The following LRP1B variants were observed in gnomAD, a reference collection of about 807,000 sequenced individuals.
LRP1B encodes LDL receptor related protein 1B.
LRP1B carries 217 observed loss-of-function variants against 556.6 expected under a neutral mutation model. That is an observed-to-expected ratio of 0.39 (90% CI 0.35 to 0.44). LRP1B has a LOEUF of 0.44. LRP1B is among the 20% of genes least tolerant of loss of function. LRP1B has a pLI of 1.00. For missense variants in LRP1B, 5,053 were observed against 5,620.8 expected (o/e 0.90, Z 3.23); for synonymous variants, 2,047 against 1,865.8 (o/e 1.10, Z -2.50).
intron 7 of LRP1B, among the ~76,000 whole-genome samples, chr2:141,113,265 C>T (rs191240048): frequency 2.0e-5 from 3 of 152,228 alleles, no homozygotes; most frequent in Admixed American, 2.0e-4. Flanking sequence ...TTACTGCTTT[C>T]AGAGCAACTA....
chr2:140,316,138 A>G (rs1384167317), intron 82 of LRP1B, among the ~76,000 whole-genome samples: 4 of 152,198 alleles, frequency 2.6e-5, no homozygotes, highest in African/African-American at 9.6e-5. Context: ...CTTCTCCGTT[A>G]GAAATGCTGC....
intron 2 of LRP1B, among the ~76,000 whole-genome samples, chr2:141,484,870 C>T (rs894244398): frequency 4.6e-5 from 7 of 152,022 alleles, no homozygotes; most frequent in South Asian, 2.1e-4. Flanking sequence ...TGGGCTGAGA[C>T]GATGGGGTTT....
intron 3 of LRP1B, among the ~76,000 whole-genome samples, chr2:141,353,685 AGTTTTT>A (rs1001074647): frequency 1.3e-5 from 2 of 151,912 alleles, no homozygotes; most frequent in African/African-American, 4.8e-5. Flanking sequence ...TGGACATACA[AGTTTTT>A]GTTTAAGTCC....
intron 1 of LRP1B, among the ~76,000 whole-genome samples, chr2:142,077,418 G>A (rs1222726995): frequency 1.3e-5 from 2 of 152,092 alleles, no homozygotes; most frequent in Non-Finnish European, 2.9e-5. Context: ...GAGGCAGGAT[G>A]TGTGTTCTGC....
Position 142,130,971 on chromosome 2 carries a change from G to C in LRP1B, c.-242C>G, listed in dbSNP as rs570466963. 5 of 570,978 alleles carry C rather than the reference G, an allele frequency of 8.8e-6. No individual in the cohort carries two copies. In the East Asian group the frequency reaches 1.5e-4, roughly 17 times the overall value. The allele number at this position is 570,978 out of a possible 1,614,324, so 35.4% of individuals were successfully genotyped here. A position where few individuals can be genotyped will look rare whatever the true frequency, so the allele number is the denominator to read the frequency against. ...GAGGAGGCAGAGCGTGTGTGAGCGC[G>C]AGCGAGACGCCCGTGTGTCTTGACT... On this transcript the variant is annotated 5_prime_UTR_variant, in exon 1 of 91. Coordinates refer to ENST00000389484, the MANE Select transcript of LRP1B (RefSeq NM_018557.3).
chr2:140,541,711 A>T, intron 44 of LRP1B, 68 bp downstream of exon 44: 1 of 1,196,526 alleles, frequency 8.4e-7, no homozygotes, highest in African/African-American at 1.5e-5. Flanking sequence ...ACTAGAAAAC[A>T]TATATACATT....
intron 80 of LRP1B, among the ~76,000 whole-genome samples, chr2:140,324,738 A>G (rs1680368570): frequency 6.6e-6 from 1 of 151,838 alleles, no homozygotes; most frequent in Non-Finnish European, 1.5e-5. Context: ...TATTTTACTA[A>G]TTATCTAGAG....
At chr2:141,202,869 T>G (rs112733206) in intron 6 of LRP1B, among the ~76,000 whole-genome samples, 1 of 151,860 alleles carries the variant, frequency 6.6e-6, no homozygotes, top group Non-Finnish European at 1.5e-5. Context: ...CCTAACGTTA[T>G]TGCTCCCCTA....
At chr2:140,307,995 G>C (rs1418377705) in intron 83 of LRP1B, among the ~76,000 whole-genome samples, 2 of 151,686 alleles carry the variant, frequency 1.3e-5, no homozygotes, top group African/African-American at 4.8e-5. Flanking sequence ...TTCCAAAATA[G>C]TATACTATGC....
At chr2:140,459,980 A>C (rs75071028) in intron 60 of LRP1B, among the ~76,000 whole-genome samples, 1 of 152,174 alleles carries the variant, frequency 6.6e-6, no homozygotes, top group Non-Finnish European at 1.5e-5. Flanking sequence ...TGTACAGCCT[A>C]TGGAACTGTG....
At chr2:140,842,543 CTTGT>C in intron 29 of LRP1B, among the ~76,000 whole-genome samples, 1 of 152,130 alleles carries the variant, frequency 6.6e-6, no homozygotes, top group East Asian at 1.9e-4. Context: ...CAAATGTAAA[CTTGT>C]TTCTCAATCT....
At chr2:140,583,108 G>GAAATATT (rs34684831) in intron 43 of LRP1B, among the ~76,000 whole-genome samples, 1 of 150,542 alleles carries the variant, frequency 6.6e-6, no homozygotes, top group Admixed American at 6.6e-5. Flanking sequence ...CATCTTCATG[G>GAAATATT]AAATATTAGC....
intron 1 of LRP1B, among the ~76,000 whole-genome samples, chr2:141,922,005 AATGTC>A (rs1169974726): frequency 2.0e-5 from 3 of 152,166 alleles, no homozygotes; most frequent in Non-Finnish European, 4.4e-5. Context: ...CATCCAAAAT[AATGTC>A]ATAAGAATAC....
intron 47 of LRP1B, among the ~76,000 whole-genome samples, chr2:140,531,690 T>C (rs760225467): frequency 7.9e-5 from 12 of 152,122 alleles, no homozygotes; most frequent in Non-Finnish European, 1.6e-4. Flanking sequence ...TTTACTCCCT[T>C]ACCACCCATT....
intron 20 of LRP1B, among the ~76,000 whole-genome samples, chr2:140,942,425 C>G (rs1695428189): frequency 1.3e-5 from 2 of 152,056 alleles, no homozygotes; most frequent in African/African-American, 4.8e-5. Flanking sequence ...CATACAGATA[C>G]AAGAAATTCA....
intron 1 of LRP1B, among the ~76,000 whole-genome samples, chr2:142,038,481 T>G (rs1210317971): frequency 6.6e-6 from 1 of 151,588 alleles, no homozygotes; most frequent in African/African-American, 2.4e-5. Context: ...AAAACAGTAA[T>G]AGCAATAGTG....
intron 72 of LRP1B, among the ~76,000 whole-genome samples, chr2:140,363,570 C>G (rs572637463): frequency 6.6e-6 from 1 of 151,628 alleles, no homozygotes; most frequent in Non-Finnish European, 1.5e-5. Context: ...AATCTAATCC[C>G]TGGTGATTAC....
chr2:141,053,859 C>T (rs763169345), intron 10 of LRP1B, among the ~76,000 whole-genome samples: 6 of 138,552 alleles, frequency 4.3e-5, no homozygotes, highest in Non-Finnish European at 7.9e-5. Flanking sequence ...ATTATATTTC[C>T]CAAGTGCCAT....
Position 140,700,440 on chromosome 2 carries a change from A to G in LRP1B, c.6609T>C (p.Ser2203=), listed in dbSNP as rs760477423. The G allele has an allele frequency of 6.2e-7, 1 of 1,613,408 alleles. No individual in the cohort carries two copies. The highest frequency in any genetic ancestry group is 1.7e-5 in the Admixed American group (1 of 59,908). ...GRTILKSIHL[S]DETNLNSPIR... is the part of the protein sequence containing the mutation. The stretch of plus-strand genomic sequence containing the variant: ...TTGGGGAATTTAAATTGGTTTCATC[A>G]GAAAGATGTATACTTTTTAATATTG... The change falls in exon 41 of 91, where the codon TCT becomes TCC. Residue 2203 remains serine (S), a synonymous_variant. Coordinates refer to ENST00000389484, the MANE Select transcript of LRP1B (RefSeq NM_018557.3).
Sources: gnomAD v4.1 joint callset for allele counts (sites outside exome capture counted in the v4.1 genomes callset) on GRCh38, gnomAD v4.1.1 for gene constraint, MANE v1.5 for transcripts, NCBI Gene and HGNC (gene_info 2026-07-23, HGNC 2026-07-21) for gene names.